Variants in CPS1 observed in about 807,000 individuals in gnomAD.
The protein encoded by CPS1 is carbamoyl-phosphate synthase 1.
CPS1 carries 109 observed loss-of-function variants against 174.6 expected under a neutral mutation model. The observed-to-expected ratio is 0.62, with a 90% CI of 0.53 to 0.73. CPS1 has a LOEUF of 0.73. Among genes scored for constraint, CPS1 ranks in the 30% least tolerant of loss-of-function variants. The pLI, the probability that CPS1 is intolerant of heterozygous loss-of-function variation, is 0.00. For synonymous variants in CPS1, 637 were observed against 632.0 expected, an observed-to-expected ratio of 1.01 and a Z score of -0.12; for missense variants, 1,689 against 1,821.9, an observed-to-expected ratio of 0.93 and a Z score of 1.33.
chr2:210,625,908 A>T lies in CPS1; in HGVS notation c.2687+9367A>T, dbSNP rs569027960. Among the ~76,000 whole-genome samples the T allele has an allele frequency of 2.0e-5, 3 of 152,240 alleles. No homozygotes were observed. In the South Asian group the frequency reaches 6.2e-4, roughly 32 times the overall value. On this transcript the variant is annotated intron_variant, in intron 21 of 37. Coordinates refer to ENST00000233072, the MANE Select transcript of CPS1 (RefSeq NM_001875.5). ...AAAATCTGACTATGAAGAAATTAAG[A>T]TAGTATAAGAAGAAAAACTAAAGTG... is the stretch of plus-strand genomic sequence containing the variant.
chr2:210,507,920 A>T (rs1253612180), intron 1 of CPS1, among the ~76,000 whole-genome samples: 6 of 151,296 alleles, frequency 4.0e-5, no homozygotes, highest in African/African-American at 7.3e-5. Context: ...CTCCCACACA[A>T]TAATAATGGG....
chr2:210,499,793 G>A (rs760300660), intron 1 of CPS1, among the ~76,000 whole-genome samples: 5 of 152,184 alleles, frequency 3.3e-5, no homozygotes. Context: ...CTCACGTACT[G>A]GGGCTTCACA....
At chr2:210,644,716 G>T (rs1361527821) in intron 25 of CPS1, among the ~76,000 whole-genome samples, 1 of 152,082 alleles carries the variant, frequency 6.6e-6, no homozygotes, top group Admixed American at 6.6e-5. Flanking sequence ...GTGATTAGTG[G>T]CCAGGATAAG....
At chr2:210,646,093 CTATT>C (rs1190676635) in intron 25 of CPS1, among the ~76,000 whole-genome samples, 2 of 152,098 alleles carry the variant, frequency 1.3e-5, no homozygotes, top group African/African-American at 4.8e-5. Flanking sequence ...CTTTAAGCTC[CTATT>C]TAGTCTAATT....
chr2:210,477,903 C>A (rs1159839238), intron 1 of CPS1: 3 of 940,570 alleles, frequency 3.2e-6, no homozygotes, highest in Non-Finnish European at 4.9e-6. Context: ...CCATTTATCC[C>A]ACTCACAGTC....
chr2:210,526,217 C>T (rs1695968723), intron 1 of CPS1, among the ~76,000 whole-genome samples: 1 of 151,796 alleles, frequency 6.6e-6, no homozygotes, highest in Admixed American at 6.6e-5. Flanking sequence ...GAACATCTCA[C>T]AATGGGGCTT....
chr2:210,572,252 C>T (rs1406348994), intron 1 of CPS1, among the ~76,000 whole-genome samples: 2 of 151,894 alleles, frequency 1.3e-5, no homozygotes, highest in African/African-American at 4.8e-5. Flanking sequence ...CTAAGAAGAT[C>T]AATCTTAAAA....
intron 20 of CPS1, 43 bp from the exon 21 acceptor site, chr2:210,616,380 G>T (rs769338901): frequency 7.4e-7 from 1 of 1,349,736 alleles, no homozygotes; most frequent in Non-Finnish European, 1.1e-6. Flanking sequence ...AAGACATTTA[G>T]AAAAATGTTT....
chr2:210,612,074 T>C, intron 19 of CPS1, 43 bp from the exon 20 acceptor site: 1 of 1,559,312 alleles, frequency 6.4e-7, no homozygotes, highest in Non-Finnish European at 8.8e-7. Flanking sequence ...TAAAGATACA[T>C]AAGCTCTTTC....
At chr2:210,646,885 T>A (rs906711709) in intron 25 of CPS1, among the ~76,000 whole-genome samples, 45 of 151,974 alleles carry the variant, frequency 3.0e-4, no homozygotes, top group African/African-American at 1.1e-3. Flanking sequence ...TGGTTTACCC[T>A]CACTGCTACA....
intron 1 of CPS1, among the ~76,000 whole-genome samples, chr2:210,516,037 T>C (rs1010974650): frequency 5.3e-5 from 8 of 151,880 alleles, no homozygotes; most frequent in Non-Finnish European, 2.9e-5. Context: ...TTGATATTGC[T>C]TTCTGTTTCA....
At chr2:210,597,990 A>G (rs1251390747) in intron 13 of CPS1, among the ~76,000 whole-genome samples, 1 of 151,942 alleles carries the variant, frequency 6.6e-6, no homozygotes, top group Non-Finnish European at 1.5e-5. Context: ...AACCAGCAGA[A>G]GGCTCTCAGT....
chr2:210,580,934 A>G (rs1697904398), intron 5 of CPS1, among the ~76,000 whole-genome samples: 1 of 152,002 alleles, frequency 6.6e-6, no homozygotes, highest in Non-Finnish European at 1.5e-5. Flanking sequence ...GTTAGGATAT[A>G]TACATATATA....
intron 1 of CPS1, among the ~76,000 whole-genome samples, chr2:210,538,113 G>T (rs1012191539): frequency 1.3e-5 from 2 of 152,080 alleles, no homozygotes; most frequent in Non-Finnish European, 2.9e-5. Context: ...TTTGTTTGTG[G>T]CAGGATTTGA....
intron 19 of CPS1, among the ~76,000 whole-genome samples, chr2:210,611,686 T>C (rs1699126506): frequency 6.6e-6 from 1 of 152,002 alleles, no homozygotes; most frequent in Admixed American, 6.6e-5. Flanking sequence ...TGATACTCAT[T>C]TACAAATAGT....
intron 7 of CPS1, among the ~76,000 whole-genome samples, chr2:210,588,476 T>C (rs1288474762): frequency 6.6e-6 from 1 of 151,838 alleles, no homozygotes; most frequent in Non-Finnish European, 1.5e-5. Context: ...AAAGCTAGAG[T>C]CTGTCTGATA....
At chr2:210,663,904 G>C (rs1313554042) in intron 33 of CPS1, among the ~76,000 whole-genome samples, 2 of 151,922 alleles carry the variant, frequency 1.3e-5, no homozygotes, top group Admixed American at 6.6e-5. Flanking sequence ...GTGCATATCC[G>C]AGTGGCAATA....
intron 28 of CPS1, 59 bp downstream of exon 28, chr2:210,650,497 A>G: frequency 8.5e-7 from 1 of 1,177,632 alleles, no homozygotes. Flanking sequence ...AGTGACATTT[A>G]TCTCTTAATA....
Position 210,663,483 on chromosome 2 carries a change from G to T in CPS1, c.4002+286G>T, listed in dbSNP as rs142978597. On this transcript the variant is annotated intron_variant, in intron 33 of 37. Coordinates refer to ENST00000233072, the MANE Select transcript of CPS1 (RefSeq NM_001875.5). ...CTAGACATCCAAGTAAATATCTTCTGTGTCTTACTTTTTATTTAAAGGTTC... is the reference window on the plus strand; with the variant it reads ...CTAGACATCCAAGTAAATATCTTCTTTGTCTTACTTTTTATTTAAAGGTTC... 4.8e-3 allele frequency among the ~76,000 whole-genome samples: 729 copies of T among 152,182 alleles called. 7 individuals are homozygous for T. Among genetic ancestry groups the T allele is most frequent in the African/African-American group, 0.016 (685 of 41,526 alleles).
Sources: allele counts gnomAD v4.1 joint callset (sites outside exome capture counted in the v4.1 genomes callset), GRCh38; gene constraint gnomAD v4.1.1; transcripts MANE v1.5; gene names NCBI Gene and HGNC (gene_info 2026-07-23, HGNC 2026-07-21).